The following PPEF1 variants were observed in gnomAD, a reference collection of about 807,000 sequenced individuals.
PPEF1 encodes serine/threonine-protein phosphatase with EF-hands 1.
In PPEF1, 12 loss-of-function variants were observed where a neutral mutation model predicts 53.3. The observed-to-expected ratio is 0.23, with a 90% CI of 0.14 to 0.36. The LOEUF (loss-of-function observed/expected upper bound fraction) is 0.36. Ranked by LOEUF, PPEF1 falls within the 10% of genes least tolerant of loss-of-function variation. PPEF1 has a pLI of 1.00. For missense variants in PPEF1, 334 were observed against 490.4 expected (o/e 0.68, Z 3.01); for synonymous variants, 165 against 176.7 (o/e 0.93, Z 0.52).
intron 5 of PPEF1, among the ~76,000 whole-genome samples, chrX:18,761,328 T>C (rs996916191): frequency 1.8e-5 from 2 of 111,481 alleles, no homozygotes; most frequent in African/African-American, 3.3e-5. Context: ...GAAAAGGTAA[T>C]TGAAGCACTA....
intron 6 of PPEF1, among the ~76,000 whole-genome samples, chrX:18,770,312 A>G (rs1046799620): frequency 2.7e-5 from 3 of 111,468 alleles, no homozygotes; most frequent in Non-Finnish European, 5.6e-5. Context: ...TCAAACCCAA[A>G]CTATATAAAG....
chrX:18,705,504 A>G (rs2044176372), upstream of PPEF1, among the ~76,000 whole-genome samples: 6 of 112,209 alleles, frequency 5.3e-5, no homozygotes, highest in Admixed American at 5.7e-4. Context: ...GCTTGAGGCC[A>G]GGAGTTTGAG....
chrX:18,757,374 C>A (rs936691221), intron 4 of PPEF1, among the ~76,000 whole-genome samples: 1 of 110,022 alleles, frequency 9.1e-6, no homozygotes, highest in Non-Finnish European at 1.9e-5. Context: ...AGGGCAAGGG[C>A]GTGCCTCCCT....
chrX:18,822,980 T>C (rs2047093516), intron 13 of PPEF1, among the ~76,000 whole-genome samples: 2 of 111,621 alleles, frequency 1.8e-5, no homozygotes, highest in South Asian at 7.5e-4. Context: ...ACTTTCCCTA[T>C]TATATATCAA....
At chrX:18,728,949 G>A (rs1195286609) in intron 1 of PPEF1, among the ~76,000 whole-genome samples, 11 of 111,823 alleles carry the variant, frequency 9.8e-5, no homozygotes, top group East Asian at 5.6e-4. Flanking sequence ...TCTAAAACTC[G>A]AGGAGGCATA....
At chrX:18,712,257 G>T (rs1351802720) in intron 1 of PPEF1, among the ~76,000 whole-genome samples, 1 of 111,493 alleles carries the variant, frequency 9.0e-6, no homozygotes, top group East Asian at 2.8e-4. Context: ...GGGGAGTATT[G>T]CTATATTAAC....
intron 1 of PPEF1, among the ~76,000 whole-genome samples, chrX:18,723,490 C>T (rs1051149888): frequency 1.8e-5 from 2 of 111,689 alleles, no homozygotes; most frequent in African/African-American, 6.5e-5. Context: ...ATTACTAATA[C>T]AGTATTATGT....
upstream of PPEF1, among the ~76,000 whole-genome samples, chrX:18,682,242 G>C (rs1358249084): frequency 8.9e-6 from 1 of 112,356 alleles, no homozygotes. Context: ...CTGGAAACTG[G>C]ACACCTCTGC....
intron 3 of PPEF1, among the ~76,000 whole-genome samples, chrX:18,738,797 C>T (rs2045063600): frequency 8.9e-6 from 1 of 112,164 alleles, no homozygotes; most frequent in East Asian, 2.8e-4. Flanking sequence ...TCACATAGTC[C>T]CATATTTCTT....
At chrX:18,754,578 ATTGT>A (rs36026595) in intron 4 of PPEF1, among the ~76,000 whole-genome samples, 47,016 of 109,009 alleles carry the variant, frequency 0.43, 8,328 homozygotes, top group Non-Finnish European at 0.56. Context: ...TAGGCCTGAG[ATTGT>A]TTGTTCAGTT....
intron 13 of PPEF1, among the ~76,000 whole-genome samples, chrX:18,822,513 CTTT>C (rs761471112): frequency 9.8e-6 from 1 of 101,721 alleles, no homozygotes; most frequent in African/African-American, 3.5e-5. Context: ...TATGAGATTT[CTTT>C]TTTTTTTTTT....
intron 3 of PPEF1, among the ~76,000 whole-genome samples, chrX:18,738,191 C>T (rs183666105): frequency 8.7e-4 from 97 of 111,433 alleles, no homozygotes; most frequent in African/African-American, 2.9e-3. Context: ...TTATTTTTCT[C>T]GTTAGTTGAT....
chrX:18,812,604 C>T, intron 12 of PPEF1, among the ~76,000 whole-genome samples: 1 of 111,826 alleles, frequency 8.9e-6, no homozygotes, highest in East Asian at 2.8e-4. Context: ...TTAAGTTGTC[C>T]AATCCATGAA....
At chrX:18,706,880 G>A (rs2044212728), upstream of PPEF1, among the ~76,000 whole-genome samples, 1 of 81,051 alleles carries the variant, frequency 1.2e-5, no homozygotes. Flanking sequence ...CCAGGCTAGA[G>A]TACAGTGGTG....
intron 10 of PPEF1, among the ~76,000 whole-genome samples, chrX:18,803,560 G>T (rs188496918): frequency 1.1e-3 from 123 of 112,062 alleles, no homozygotes; most frequent in African/African-American, 3.9e-3. Flanking sequence ...AGGCTCAAGT[G>T]ATCCTCCCAT....
intron 1 of PPEF1, among the ~76,000 whole-genome samples, chrX:18,714,800 C>A (rs781760724): frequency 3.3e-4 from 37 of 111,961 alleles, no homozygotes; most frequent in Non-Finnish European, 5.6e-4. Flanking sequence ...ATCCTCACAG[C>A]CTTTTGAAGG....
At chrX:18,714,244 G>C (rs2044391762) in intron 1 of PPEF1, among the ~76,000 whole-genome samples, 1 of 104,356 alleles carries the variant, frequency 9.6e-6, no homozygotes, top group African/African-American at 3.4e-5. Flanking sequence ...CATGCTCAGT[G>C]TGGTACTTGG....
chrX:18,793,683 C>T (rs1313303938), intron 10 of PPEF1, among the ~76,000 whole-genome samples: 2 of 99,479 alleles, frequency 2.0e-5, no homozygotes, highest in Non-Finnish European at 4.1e-5. Context: ...CCTGCTTCCC[C>T]CCTCCGCTCC....
chrX:18,733,554 C>T (rs1395543611), intron 2 of PPEF1, among the ~76,000 whole-genome samples, 194 bp from the exon 3 acceptor site: 2 of 111,685 alleles, frequency 1.8e-5, no homozygotes, highest in Admixed American at 9.5e-5. Flanking sequence ...GAGGGGCGTT[C>T]ATGTGTTACC....
Sources: allele counts gnomAD v4.1 joint callset (sites outside exome capture counted in the v4.1 genomes callset), GRCh38; gene constraint gnomAD v4.1.1; transcripts MANE v1.5; gene names NCBI Gene and HGNC (gene_info 2026-07-23, HGNC 2026-07-21).